The following SUGCT variants were observed in gnomAD, a reference collection of about 807,000 sequenced individuals.
The protein encoded by SUGCT is succinyl-CoA:glutarate CoA-transferase.
In SUGCT, 41 loss-of-function variants were observed where a neutral mutation model predicts 55.0. The observed-to-expected ratio is 0.74, with a 90% CI of 0.58 to 0.97. SUGCT has a LOEUF of 0.97. Among genes scored for constraint, SUGCT ranks in the 50% least tolerant of loss-of-function variants. The pLI is 0.00. For synonymous variants in SUGCT, 187 were observed against 200.4 expected (o/e 0.93, Z 0.56); for missense variants, 568 against 547.8 (o/e 1.04, Z -0.37).
rs373748423 is a variant in SUGCT at position 40,511,435 on chromosome 7, C to T, written c.1089+15049C>T. On this transcript the variant is annotated intron_variant, in intron 12 of 13. Coordinates refer to ENST00000335693, the MANE Select transcript of SUGCT (RefSeq NM_001193313.2). ...GTATGCTGTGTGGGATCCTAGATTG[C>T]CTCCTAACCCAGAGAAGAGAACATT... Among the ~76,000 whole-genome samples, 4 of 152,124 alleles carry T rather than the reference C, an allele frequency of 2.6e-5. No individual in the cohort carries two copies. In the East Asian group the frequency reaches 5.8e-4, roughly 22 times the overall value.
chr7:40,288,717 A>G (rs113894498), intron 8 of SUGCT, among the ~76,000 whole-genome samples: 11,833 of 151,904 alleles, frequency 0.078, 1,004 homozygotes, highest in African/African-American at 0.21. Flanking sequence ...TTGATTATAT[A>G]TTTTATTCAA....
At chr7:40,449,620 A>G (rs1011430012) in intron 10 of SUGCT, among the ~76,000 whole-genome samples, 4 of 152,068 alleles carry the variant, frequency 2.6e-5, no homozygotes, top group Non-Finnish European at 4.4e-5. Context: ...AAATGGGGGA[A>G]TCATTTTTAG....
chr7:40,336,335 C>T (rs997016453), intron 9 of SUGCT, among the ~76,000 whole-genome samples: 1 of 152,156 alleles, frequency 6.6e-6, no homozygotes, highest in African/African-American at 2.4e-5. Context: ...ACCAGCTCCT[C>T]CCTGTACCTC....
At chr7:40,550,942 C>CTGTTTTACCCATTTTACCTGTT (rs1795262040) in intron 12 of SUGCT, among the ~76,000 whole-genome samples, 1 of 152,180 alleles carries the variant, frequency 6.6e-6, no homozygotes, top group African/African-American at 2.4e-5. Flanking sequence ...TTCTTGCCTT[C>CTGTTTTACCCATTTTACCTGTT]TGTTTTACCC....
intron 11 of SUGCT, among the ~76,000 whole-genome samples, chr7:40,491,922 C>T (rs945998544): frequency 1.3e-5 from 2 of 151,744 alleles, no homozygotes; most frequent in East Asian, 1.9e-4. Flanking sequence ...CCTGGGAGGT[C>T]GAGGTTGCAG....
At chr7:40,610,218 C>T (rs910777982) in intron 12 of SUGCT, among the ~76,000 whole-genome samples, 4 of 152,124 alleles carry the variant, frequency 2.6e-5, no homozygotes, top group Non-Finnish European at 2.9e-5. Context: ...ATGTAGCATC[C>T]GCATGTAAGT....
chr7:40,559,157 A>G (rs1161838309), intron 12 of SUGCT, among the ~76,000 whole-genome samples: 1 of 152,224 alleles, frequency 6.6e-6, no homozygotes, highest in Non-Finnish European at 1.5e-5. Flanking sequence ...ATGATTTTAT[A>G]AAAGCTCTCC....
intron 9 of SUGCT, among the ~76,000 whole-genome samples, chr7:40,440,349 G>A (rs185130385): frequency 1.3e-5 from 2 of 151,612 alleles, no homozygotes; most frequent in Admixed American, 1.3e-4. Context: ...TAGTAGAGAC[G>A]GGGTTTCGCT....
At chr7:40,839,157 TG>T (rs1793148444) in intron 13 of SUGCT, among the ~76,000 whole-genome samples, 1 of 152,208 alleles carries the variant, frequency 6.6e-6, no homozygotes. Context: ...GGATTTTATT[TG>T]CCATATTGAG....
At chr7:40,830,767 C>A (rs1316651635) in intron 13 of SUGCT, among the ~76,000 whole-genome samples, 2 of 152,184 alleles carry the variant, frequency 1.3e-5, no homozygotes, top group East Asian at 1.9e-4. Flanking sequence ...TTGCTACCAG[C>A]AAAAGTCCTC....
intron 11 of SUGCT, among the ~76,000 whole-genome samples, chr7:40,485,417 C>CTTTTTTTTTT (rs397889166): frequency 2.8e-4 from 21 of 74,444 alleles, no homozygotes; most frequent in South Asian, 5.5e-4. Flanking sequence ...TATATACATT[C>CTTTTTTTTTT]TTTTTTTTTT....
At chr7:40,359,238 C>T (rs1798033433) in intron 9 of SUGCT, among the ~76,000 whole-genome samples, 1 of 152,160 alleles carries the variant, frequency 6.6e-6, no homozygotes, top group Admixed American at 6.5e-5. Flanking sequence ...GAGTTTTGCT[C>T]TTGTTGCCTA....
At chr7:40,433,602 A>G (rs148223842) in intron 9 of SUGCT, among the ~76,000 whole-genome samples, 55 of 152,298 alleles carry the variant, frequency 3.6e-4, no homozygotes, top group African/African-American at 7.0e-4. Flanking sequence ...GATTTGTGCC[A>G]AGTAAACCTA....
the SUGCT span, among the ~76,000 whole-genome samples, chr7:40,884,276 C>T: frequency 2.6e-5 from 4 of 152,356 alleles, no homozygotes; most frequent in East Asian, 7.7e-4. Context: ...CTTCAGCAGA[C>T]TGTCTCCCTG....
At chr7:40,957,525 G>A in the SUGCT span, among the ~76,000 whole-genome samples, 52 of 124,462 alleles carry the variant, frequency 4.2e-4, 1 homozygote, top group Non-Finnish European at 7.0e-4. Flanking sequence ...TTCAGCCTAT[G>A]TGTGTCTTTG....
chr7:40,245,449 T>A (rs1482368063), intron 7 of SUGCT, among the ~76,000 whole-genome samples: 8 of 91,982 alleles, frequency 8.7e-5, no homozygotes, highest in Non-Finnish European at 1.2e-4. Flanking sequence ...TTTTTTTTTT[T>A]TTTTTTTTGA....
chr7:40,451,061 G>T (rs1789164278), intron 10 of SUGCT, among the ~76,000 whole-genome samples: 1 of 151,884 alleles, frequency 6.6e-6, no homozygotes, highest in Non-Finnish European at 1.5e-5. Context: ...TGGGATCAAA[G>T]AATCTTTATT....
intron 9 of SUGCT, among the ~76,000 whole-genome samples, chr7:40,425,984 T>C (rs1205440588): frequency 6.6e-6 from 1 of 152,186 alleles, no homozygotes; most frequent in Non-Finnish European, 1.5e-5. Context: ...CTGATGATCA[T>C]GCAAAGTAAT....
intron 12 of SUGCT, among the ~76,000 whole-genome samples, chr7:40,721,436 A>G (rs1187836370): frequency 6.6e-6 from 1 of 152,206 alleles, no homozygotes; most frequent in Admixed American, 6.5e-5. Context: ...CAGATAAGGA[A>G]TGCTCTCAGA....
Sources: gnomAD v4.1 joint callset for allele counts (sites outside exome capture counted in the v4.1 genomes callset) on GRCh38, gnomAD v4.1.1 for gene constraint, MANE v1.5 for transcripts, NCBI Gene and HGNC (gene_info 2026-07-23, HGNC 2026-07-21) for gene names.